ODAD2: variants seen among roughly 807,000 people sequenced by gnomAD.
The protein encoded by ODAD2 is outer dynein arm-docking complex subunit 2.
In ODAD2, 89 loss-of-function variants were observed where a neutral mutation model predicts 106.8. That is an observed-to-expected ratio of 0.83 (90% CI 0.70 to 0.99). The LOEUF (loss-of-function observed/expected upper bound fraction) is 0.99, where lower values mean the gene tolerates loss of function less well. Among genes scored for constraint, ODAD2 ranks in the 50% least tolerant of loss-of-function variants. The pLI, the probability that ODAD2 is intolerant of heterozygous loss-of-function variation, is 0.00. For missense variants in ODAD2, 1,168 were observed against 1,238.5 expected (o/e 0.94, Z 0.85); for synonymous variants, 404 against 436.2 (o/e 0.93, Z 0.92).
At chr10:27,840,942 A>C (rs761310758) in intron 19 of ODAD2, among the ~76,000 whole-genome samples, 13 of 152,236 alleles carry the variant, frequency 8.5e-5, no homozygotes, top group Non-Finnish European at 1.3e-4. Context: ...ATGGGAGAGT[A>C]ATGCCTGCAC....
chr10:27,839,859 TAA>T (rs1838181808), intron 19 of ODAD2, among the ~76,000 whole-genome samples: 1 of 152,214 alleles, frequency 6.6e-6, no homozygotes, highest in Non-Finnish European at 1.5e-5. Context: ...GTTGACAGTA[TAA>T]TAGTACACCT....
In ODAD2 at chr10:27,984,559, G is replaced by T. The variant is rs563399135; in HGVS notation, c.576-269C>A. Among the ~76,000 whole-genome samples the T allele has an allele frequency of 9.2e-5, 14 of 152,258 alleles. No homozygotes were observed. In the East Asian group the frequency reaches 2.7e-3, roughly 29 times the overall value. On this transcript the variant is annotated intron_variant, in intron 4 of 19. Coordinates refer to ENST00000305242, the MANE Select transcript of ODAD2 (RefSeq NM_018076.5). ...ACTAAAAATATTAGAAAATGAACAT[G>T]CTTTGGACTATACAAACTCTACATG...
At chr10:27,814,396 T>G (rs1490436915) in intron 19 of ODAD2, among the ~76,000 whole-genome samples, 2 of 152,162 alleles carry the variant, frequency 1.3e-5, no homozygotes, top group Admixed American at 6.5e-5. Flanking sequence ...AAAGGAACAA[T>G]GCAAAACATT....
Position 27,984,254 on chromosome 10 carries a change from A to G in ODAD2, c.612T>C (p.Asp204=). 1 of 1,613,596 alleles carries G rather than the reference A, an allele frequency of 6.2e-7. No individual in the cohort carries two copies. Among genetic ancestry groups the G allele is most frequent in the South Asian group, 1.1e-5 (1 of 91,056 alleles). The change falls in exon 5 of 20, where the codon GAT becomes GAC. Residue 204 remains aspartate (D), a synonymous_variant. Transcript: ENST00000305242. ...CTGAGAAACGTTTGAGCAGTTCTAT[A>G]TCCTTCTTCACCGTCATGGGACTTA... is the stretch of plus-strand genomic sequence containing the variant. ...ISLSPMTVKK[D]IELLKRFSGK...
chr10:27,860,483 G>A lies in ODAD2; in HGVS notation c.3021+142C>T, dbSNP rs1839960412. 5 of 715,466 alleles carry A rather than the reference G, an allele frequency of 7.0e-6. No individual in the cohort carries two copies. In the South Asian group the frequency reaches 9.1e-5, roughly 13 times the overall value. The allele number at this position is 715,466 out of a possible 1,614,324, so 44.3% of individuals were successfully genotyped here. A position where few individuals can be genotyped will look rare whatever the true frequency, so the allele number is the denominator to read the frequency against. ...AAAAAAAAAGTCATGATAACACATGGCTTGAATGCAGCCATGATGCAGCAG... is the reference window on the plus strand; with the variant it reads ...AAAAAAAAAGTCATGATAACACATGACTTGAATGCAGCCATGATGCAGCAG... On this transcript the variant is annotated intron_variant, in intron 19 of 19. Coordinates refer to ENST00000305242, the MANE Select transcript of ODAD2 (RefSeq NM_018076.5).
At chr10:27,910,103 G>T (rs1006626460) in intron 16 of ODAD2, among the ~76,000 whole-genome samples, 1 of 151,564 alleles carries the variant, frequency 6.6e-6, no homozygotes, top group Admixed American at 6.6e-5. Context: ...TTGTGTGAGG[G>T]AATAACTTGG....
At chr10:27,847,104 G>A (rs1483643271) in intron 19 of ODAD2, among the ~76,000 whole-genome samples, 1 of 152,058 alleles carries the variant, frequency 6.6e-6, no homozygotes, top group African/African-American at 2.4e-5. Context: ...ACCAAAGCCT[G>A]GCAGAGACAC....
In ODAD2 at chr10:27,864,510, AGAGTGAGGTGAGAGCGGG is replaced by A. The variant is rs1167798888; in HGVS notation, c.2611-1906_2611-1889del. The stretch of plus-strand genomic sequence containing the variant: ...AGAGTGAGGAGTGAAGTGAGAGTGG[AGAGTGAGGTGAGAGCGGG>A]GAGTGAGGTGAGAGCGGGGAGTGAG... On this transcript the variant is annotated intron_variant, in intron 17 of 19. Coordinates refer to ENST00000305242, the MANE Select transcript of ODAD2 (RefSeq NM_018076.5). Among the ~76,000 whole-genome samples the A allele has an allele frequency of 9.4e-3, 1,254 of 132,718 alleles. 20 individuals carry two copies. Among genetic ancestry groups the A allele is most frequent in the African/African-American group, 0.032 (1,158 of 36,080 alleles). 87.1% of individuals were successfully genotyped at this position (132,718 alleles called of 152,430 possible).
chr10:27,827,256 T>C (rs1414389517), intron 19 of ODAD2, among the ~76,000 whole-genome samples: 1 of 151,902 alleles, frequency 6.6e-6, no homozygotes, highest in African/African-American at 2.4e-5. Flanking sequence ...AACCTCATTT[T>C]TTTGTCTATA....
chr10:27,885,716 ATATAT>A (rs1842118558), intron 17 of ODAD2, among the ~76,000 whole-genome samples: 2 of 39,252 alleles, frequency 5.1e-5, no homozygotes, highest in Non-Finnish European at 1.0e-4. Context: ...AATATATATT[ATATAT>A]TATATATAAA....
At chr10:27,824,276 T>C (rs970614055) in intron 19 of ODAD2, among the ~76,000 whole-genome samples, 3 of 152,130 alleles carry the variant, frequency 2.0e-5, no homozygotes, top group South Asian at 2.1e-4. Context: ...TCTAAACTCA[T>C]GCTGAAACTT....
chr10:27,927,659 C>T (rs1405964090), intron 16 of ODAD2, among the ~76,000 whole-genome samples: 1 of 152,126 alleles, frequency 6.6e-6, no homozygotes, highest in Non-Finnish European at 1.5e-5. Context: ...CCAGGCCTTG[C>T]TATAGAATTT....
At chr10:27,905,592 C>G (rs1295454526) in intron 17 of ODAD2, among the ~76,000 whole-genome samples, 2 of 152,164 alleles carry the variant, frequency 1.3e-5, no homozygotes, top group Non-Finnish European at 2.9e-5. Flanking sequence ...AGGCTGGAGG[C>G]ATCACACTAC....
At chr10:27,892,087 C>A (rs1842603945) in intron 17 of ODAD2, among the ~76,000 whole-genome samples, 1 of 152,110 alleles carries the variant, frequency 6.6e-6, no homozygotes, top group African/African-American at 2.4e-5. Context: ...CAGTTTTACA[C>A]TTCTATTTAC....
In ODAD2 at chr10:27,954,669, G is replaced by A. The variant is rs564794503; in HGVS notation, c.1386+6899C>T. ...AGCACTGTATTATCATTGTCTTTACGCTGCTTTTTCTCCACACATATTTAT... is the reference window on the plus strand; with the variant it reads ...AGCACTGTATTATCATTGTCTTTACACTGCTTTTTCTCCACACATATTTAT... On this transcript the variant is annotated intron_variant, in intron 10 of 19. Coordinates refer to ENST00000305242, the MANE Select transcript of ODAD2 (RefSeq NM_018076.5). Among the ~76,000 whole-genome samples the A allele has an allele frequency of 2.6e-5, 4 of 152,300 alleles. 1 individual carries two copies. Among genetic ancestry groups the A allele is most frequent in the East Asian group, 1.9e-4 (1 of 5,186 alleles).
At position 27,983,892 on chromosome 10, in the gene ODAD2, C is replaced by A. The variant is rs1369795924; in HGVS notation, c.770G>T (p.Gly257Val). 1.2e-6 allele frequency: 2 copies of A among 1,612,604 alleles called. No individual in the cohort carries two copies. The highest frequency in any genetic ancestry group is 2.2e-5 in the East Asian group (1 of 44,862). Reference protein sequence around the residue: ...ICYVLVKPHDGETLCITCSAG... With the variant: ...ICYVLVKPHDVETLCITCSAG... ...ACTGCAAGTAATGCACAGAGTCTCA[C>A]CATCGTGAGGTTTCACCAGCACATA... The change falls in exon 6 of 20, where the codon GGT (glycine) becomes GTT (valine). Residue 257 changes from glycine (G) to valine (V), a missense_variant. Coordinates refer to ENST00000305242, the MANE Select transcript of ODAD2 (RefSeq NM_018076.5).
At chr10:27,867,973 A>T (rs1176169633) in intron 17 of ODAD2, among the ~76,000 whole-genome samples, 2 of 152,062 alleles carry the variant, frequency 1.3e-5, no homozygotes, top group African/African-American at 4.8e-5. Context: ...AAAGCAGTAT[A>T]AAAAAGACTC....
intron 17 of ODAD2, chr10:27,904,189 C>G (rs774789035): frequency 3.4e-6 from 1 of 290,934 alleles, no homozygotes; most frequent in Admixed American, 3.2e-5. Context: ...TAGCTTTCCA[C>G]GTGATAGGGC....
intron 10 of ODAD2, among the ~76,000 whole-genome samples, chr10:27,955,741 G>T (rs1447929706): frequency 1.5e-5 from 2 of 133,804 alleles, no homozygotes; most frequent in Non-Finnish European, 3.3e-5. Context: ...GTGTGTGTGT[G>T]TTTAATCAGT....
Sources: allele counts gnomAD v4.1 joint callset (sites outside exome capture counted in the v4.1 genomes callset), GRCh38; gene constraint gnomAD v4.1.1; transcripts MANE v1.5; gene names NCBI Gene and HGNC (gene_info 2026-07-23, HGNC 2026-07-21).